The following ELF1 variants were observed in gnomAD, a reference collection of about 807,000 sequenced individuals.
ELF1 encodes the protein E74 like ETS transcription factor 1.
ELF1 carries 24 observed loss-of-function variants against 59.9 expected under a neutral mutation model. The observed-to-expected ratio is 0.40, with a 90% CI of 0.29 to 0.56. ELF1 has a LOEUF of 0.56. ELF1 is among the 20% of genes least tolerant of loss of function. The pLI is 0.44. For synonymous variants in ELF1, 248 were observed against 266.2 expected (o/e 0.93, Z 0.67); for missense variants, 627 against 742.2 (o/e 0.84, Z 1.80).
intron 3 of ELF1, among the ~76,000 whole-genome samples, chr13:40,954,470 TC>T (rs1389066039): frequency 8.8e-6 from 1 of 113,210 alleles, no homozygotes; most frequent in African/African-American, 2.7e-5. Context: ...CCTCTCCCTC[TC>T]TTTCCACGGT....
intron 1 of ELF1, among the ~76,000 whole-genome samples, chr13:41,052,489 CTTTAAG>C (rs1391396637): frequency 6.6e-6 from 1 of 152,122 alleles, no homozygotes; most frequent in African/African-American, 2.4e-5. Flanking sequence ...ACAAATATAT[CTTTAAG>C]TTTATTGACT....
chr13:41,030,606 C>A (rs1055624855), intron 1 of ELF1, among the ~76,000 whole-genome samples: 4 of 151,746 alleles, frequency 2.6e-5, no homozygotes. Context: ...TAAAAATTAG[C>A]CAGACTTGGT....
At chr13:41,037,121 TA>T (rs966762801) in intron 1 of ELF1, among the ~76,000 whole-genome samples, 12 of 151,464 alleles carry the variant, frequency 7.9e-5, no homozygotes, top group Admixed American at 3.9e-4. Flanking sequence ...ATATATATAT[TA>T]AAAAAAACCT....
intron 1 of ELF1, 77 bp downstream of exon 1, chr13:41,019,151 C>T: frequency 1.0e-6 from 1 of 968,984 alleles, no homozygotes; most frequent in Non-Finnish European, 1.2e-6. Context: ...CCATGTTCTT[C>T]AACAGGTAAG....
intron 1 of ELF1, among the ~76,000 whole-genome samples, chr13:41,046,070 G>A (rs1876831360): frequency 6.6e-6 from 1 of 152,088 alleles, no homozygotes; most frequent in African/African-American, 2.4e-5. Flanking sequence ...ATCTTTGCTG[G>A]TTTAAAGTCT....
At chr13:41,024,182 G>A (rs1875792824), upstream of ELF1, among the ~76,000 whole-genome samples, 1 of 152,164 alleles carries the variant, frequency 6.6e-6, no homozygotes, top group Non-Finnish European at 1.5e-5. Flanking sequence ...TCAGTAGCCT[G>A]TAACCAGGAA....
exon 1 of ELF1, chr13:41,061,017 G>A: frequency 8.9e-6 from 2 of 224,016 alleles, no homozygotes; most frequent in South Asian, 1.1e-4. Context: ...TAGGGGAGAG[G>A]AGGGGCGGGG....
At chr13:41,057,671 C>G (rs919184449) in intron 1 of ELF1, among the ~76,000 whole-genome samples, 5 of 152,178 alleles carry the variant, frequency 3.3e-5, no homozygotes, top group Non-Finnish European at 7.3e-5. Flanking sequence ...CACACCCTGC[C>G]TCTTTCATGT....
intron 1 of ELF1, among the ~76,000 whole-genome samples, chr13:41,056,527 T>C (rs1281066961): frequency 6.6e-6 from 1 of 152,232 alleles, no homozygotes; most frequent in Non-Finnish European, 1.5e-5. Context: ...TGGTAACTGT[T>C]TAACATTTTG....
intron 1 of ELF1, among the ~76,000 whole-genome samples, chr13:41,053,682 T>C (rs1257321002): frequency 1.3e-5 from 2 of 152,234 alleles, no homozygotes; most frequent in Non-Finnish European, 1.5e-5. Flanking sequence ...ACAGCTCATC[T>C]CTTAGGAAAG....
At chr13:41,040,438 A>G (rs576886436) in intron 1 of ELF1, among the ~76,000 whole-genome samples, 1 of 152,330 alleles carries the variant, frequency 6.6e-6, no homozygotes, top group East Asian at 1.9e-4. Flanking sequence ...AGTATATGCA[A>G]TGATGGTCAA....
At chr13:41,049,380 G>C (rs1450141986) in intron 1 of ELF1, among the ~76,000 whole-genome samples, 1 of 152,130 alleles carries the variant, frequency 6.6e-6, no homozygotes, top group Non-Finnish European at 1.5e-5. Context: ...TACAGTTAAA[G>C]ACCAAGTGTA....
chr13:40,959,168 T>C (rs1871648427), intron 2 of ELF1, 152 bp from the exon 3 acceptor site: 1 of 1,196,184 alleles, frequency 8.4e-7, no homozygotes, highest in Non-Finnish European at 1.1e-6. Flanking sequence ...CATTAGGTAA[T>C]TTGTATCTAT....
At position 40,949,665 on chromosome 13, in the gene ELF1, T is replaced by A. The variant is rs1870724389; in HGVS notation, c.529+141A>T. On this transcript the variant is annotated intron_variant, in intron 5 of 8. Transcript: ENST00000239882. ...TCTCCGTGCCTGGCCAAGAAATAAC[T>A]CATAATTTCCATTTTGTGCCTTCAA... 5 of 1,058,458 alleles carry A rather than the reference T, an allele frequency of 4.7e-6. No homozygotes were observed. In the South Asian group the frequency reaches 9.0e-5, roughly 19 times the overall value. The allele number at this position is 1,058,458 out of a possible 1,614,324, so 65.6% of individuals were successfully genotyped here.
chr13:40,968,313 AAC>A (rs1208370066), intron 2 of ELF1, among the ~76,000 whole-genome samples: 33 of 152,348 alleles, frequency 2.2e-4, no homozygotes, highest in African/African-American at 7.0e-4. Flanking sequence ...TACATGGATA[AAC>A]ACACACAAAA....
Position 40,975,723 on chromosome 13 carries a change from C to A in ELF1, c.72+6260G>T, listed in dbSNP as rs17061693. Among the ~76,000 whole-genome samples the A allele has an allele frequency of 5.7e-3, 864 of 152,304 alleles. 8 individuals are homozygous for A. The highest frequency in any genetic ancestry group is 0.013 in the South Asian group (65 of 4,832). Reference sequence around the variant, plus strand: ...GTCAAGACAGCTGTGGGCAAGGTATCACCCTCTCATTATTCAGAGATGCTC... The same window carrying A: ...GTCAAGACAGCTGTGGGCAAGGTATAACCCTCTCATTATTCAGAGATGCTC... On this transcript the variant is annotated intron_variant, in intron 2 of 8. Coordinates refer to ENST00000239882, the MANE Select transcript of ELF1 (RefSeq NM_172373.4).
intron 1 of ELF1, among the ~76,000 whole-genome samples, chr13:40,983,594 C>T (rs1005467391): frequency 6.6e-6 from 1 of 152,098 alleles, no homozygotes; most frequent in African/African-American, 2.4e-5. Flanking sequence ...CACTCTCATC[C>T]ACTCCCTTTT....
At chr13:41,036,711 C>G (rs1046561210) in intron 1 of ELF1, among the ~76,000 whole-genome samples, 7 of 152,160 alleles carry the variant, frequency 4.6e-5, no homozygotes, top group African/African-American at 1.7e-4. Flanking sequence ...ACCCAAATGT[C>G]CAACAATGAT....
intron 1 of ELF1, among the ~76,000 whole-genome samples, chr13:41,045,451 G>A (rs7982279): frequency 0.84 from 127,866 of 152,106 alleles, 54,879 homozygotes; most frequent in Non-Finnish European, 0.92. Context: ...CCCTCTACAC[G>A]CTGCTTTAAA....
Sources: allele counts gnomAD v4.1 joint callset (sites outside exome capture counted in the v4.1 genomes callset), GRCh38; gene constraint gnomAD v4.1.1; transcripts MANE v1.5; gene names NCBI Gene and HGNC (gene_info 2026-07-23, HGNC 2026-07-21).